SHC3: variants seen among roughly 807,000 people sequenced by gnomAD.
SHC3 encodes the protein SHC-transforming protein 3.
A neutral mutation model predicts 60.4 loss-of-function variants in SHC3; 15 were observed. The observed-to-expected ratio is 0.25, with a 90% CI of 0.17 to 0.38. The LOEUF is 0.38. Among genes scored for constraint, SHC3 ranks in the 10% least tolerant of loss-of-function variants. The probability of loss-of-function intolerance (pLI) is 1.00; values close to 1 mark genes in which losing one functional copy is unlikely to be tolerated. For missense variants in SHC3, 677 were observed against 786.1 expected (o/e 0.86, Z 1.66); for synonymous variants, 294 against 325.9 (o/e 0.90, Z 1.05).
At chr9:89,160,148 G>A (rs1826683133) in intron 1 of SHC3, among the ~76,000 whole-genome samples, 1 of 152,208 alleles carries the variant, frequency 6.6e-6, no homozygotes, top group Non-Finnish European at 1.5e-5. Context: ...ACAAATGACA[G>A]CTGATATGTA....
At chr9:89,105,115 G>A (rs1273514006) in intron 2 of SHC3, among the ~76,000 whole-genome samples, 1 of 152,092 alleles carries the variant, frequency 6.6e-6, no homozygotes, top group Non-Finnish European at 1.5e-5. Flanking sequence ...TTTGTACCCT[G>A]CTCAAGACCA....
Position 89,038,160 on chromosome 9 carries a change from C to T in SHC3, c.1489G>A (p.Glu497Lys), listed in dbSNP as rs149700558. 4,953 of 1,614,028 alleles carry T rather than the reference C, an allele frequency of 3.1e-3. 16 individuals carry two copies. The highest frequency in any genetic ancestry group is 5.9e-3 in the South Asian group (534 of 91,068). ...CTCATCTCTCCTTGGTACCAAGTCT[C>T]GGCTTGCAGTTCCTCCAGCATCTTG... ...DAKMLEELQA[E>K]TWYQGEMSRK... Residue 497 changes from glutamate (E) to lysine (K), a missense_variant, in exon 11 of 12, where the codon GAG (glutamate) becomes AAG (lysine). By Grantham distance (56) the Glu-to-Lys change is moderately conservative. Coordinates refer to ENST00000375835, the MANE Select transcript of SHC3 (RefSeq NM_016848.6).
At chr9:89,110,566 C>T (rs1392282040) in intron 2 of SHC3, 9 of 673,874 alleles carry the variant, frequency 1.3e-5, no homozygotes, top group Non-Finnish European at 1.6e-5. Flanking sequence ...CAAAGTGCTT[C>T]ATTCTGAAGT....
At chr9:89,043,934 G>A (rs557132677) in intron 9 of SHC3, among the ~76,000 whole-genome samples, 61 of 152,256 alleles carry the variant, frequency 4.0e-4, no homozygotes, top group African/African-American at 1.2e-3. Flanking sequence ...AATTACAGGC[G>A]TGAGCCACCA....
rs903650529 is a variant in SHC3 at position 89,071,776 on chromosome 9, C to T, written c.730-524G>A. 4.6e-5 allele frequency among the ~76,000 whole-genome samples: 7 copies of T among 152,208 alleles called. No individual in the cohort carries two copies. In the East Asian group the frequency reaches 1.3e-3, roughly 29 times the overall value. On this transcript the variant is annotated intron_variant, in intron 4 of 11. Coordinates refer to ENST00000375835, the MANE Select transcript of SHC3 (RefSeq NM_016848.6). The stretch of plus-strand genomic sequence containing the variant: ...TTTACTATCAGTCCTCACCAGAGGA[C>T]TCTGGTCATAAAAAGGAGGACTTCA...
chr9:89,114,039 G>A (rs982852160), intron 1 of SHC3, among the ~76,000 whole-genome samples: 4 of 152,116 alleles, frequency 2.6e-5, no homozygotes, highest in Non-Finnish European at 4.4e-5. Context: ...GCAGAGTTAC[G>A]TGAAAACCAC....
At chr9:89,089,908 G>A (rs754422296) in intron 2 of SHC3, among the ~76,000 whole-genome samples, 11 of 152,190 alleles carry the variant, frequency 7.2e-5, no homozygotes, top group South Asian at 2.1e-4. Flanking sequence ...GGCAGAGTGC[G>A]TCACCCAGAG....
intron 4 of SHC3, 24 bp downstream of exon 4, chr9:89,075,085 C>G: frequency 6.2e-7 from 1 of 1,611,442 alleles, no homozygotes; most frequent in Non-Finnish European, 8.5e-7. Context: ...TGGGCAGGGA[C>G]AGGGGATCTG....
chr9:89,087,311 C>G (rs1825546337), intron 2 of SHC3, among the ~76,000 whole-genome samples: 1 of 152,228 alleles, frequency 6.6e-6, no homozygotes, highest in Admixed American at 6.5e-5. Flanking sequence ...CTTGCCATAG[C>G]ATAATTTCTC....
intron 1 of SHC3, among the ~76,000 whole-genome samples, chr9:89,155,675 G>C (rs1369021982): frequency 6.6e-6 from 1 of 152,200 alleles, no homozygotes; most frequent in Non-Finnish European, 1.5e-5. Context: ...TGAACATGGA[G>C]TTGGCAAATC....
intron 2 of SHC3, among the ~76,000 whole-genome samples, chr9:89,080,325 G>A (rs17054720): frequency 0.091 from 13,875 of 152,116 alleles, 716 homozygotes; most frequent in Admixed American, 0.13. Context: ...CTCAGAACTC[G>A]GCTAATTTGA....
chr9:89,089,348 G>A (rs928278512), intron 2 of SHC3, among the ~76,000 whole-genome samples: 1 of 152,184 alleles, frequency 6.6e-6, no homozygotes, highest in Non-Finnish European at 1.5e-5. Context: ...TATCTTGGAG[G>A]TGCCATGTGC....
intron 1 of SHC3, among the ~76,000 whole-genome samples, chr9:89,165,571 G>A (rs537867959): frequency 6.1e-5 from 9 of 147,694 alleles, no homozygotes; most frequent in Non-Finnish European, 3.0e-5. Flanking sequence ...AGAATAAAAG[G>A]AAGGGAAAAG....
intron 11 of SHC3, among the ~76,000 whole-genome samples, chr9:89,029,764 C>T (rs1353750582): frequency 6.6e-6 from 1 of 152,140 alleles, no homozygotes; most frequent in African/African-American, 2.4e-5. Flanking sequence ...GCTGTCTTCT[C>T]TCAAGAATAG....
At chr9:89,107,453 C>T (rs1350286600) in intron 2 of SHC3, among the ~76,000 whole-genome samples, 1 of 152,190 alleles carries the variant, frequency 6.6e-6, no homozygotes, top group Non-Finnish European at 1.5e-5. Context: ...GTGTTAAAAT[C>T]AGAGTAATAG....
chr9:89,156,716 A>G (rs768020774), intron 1 of SHC3, among the ~76,000 whole-genome samples: 24 of 152,178 alleles, frequency 1.6e-4, no homozygotes, highest in Non-Finnish European at 3.4e-4. Flanking sequence ...CACAGATCTC[A>G]GGTAAGGAGA....
rs1825978538 is a variant in SHC3, at chr9:89,008,818, A to C, written c.*4629T>G. Reference sequence around the variant, plus strand: ...CGGTGGGATTCAGCTCCAGTTGTGCACATGACGGTAACTTACTTGATAATG... The same window carrying C: ...CGGTGGGATTCAGCTCCAGTTGTGCCCATGACGGTAACTTACTTGATAATG... On this transcript the variant is annotated 3_prime_UTR_variant, in exon 12 of 12. Coordinates refer to ENST00000375835, the MANE Select transcript of SHC3 (RefSeq NM_016848.6). 6.6e-6 allele frequency: 1 copy of C among 152,228 alleles called. No homozygotes were observed. The highest frequency in any genetic ancestry group is 1.9e-4 in the East Asian group (1 of 5,196). 9.4% of individuals were successfully genotyped at this position (152,228 alleles called of 1,614,324 possible). A position where few individuals can be genotyped will look rare whatever the true frequency, so the allele number is the denominator to read the frequency against.
chr9:89,131,911 C>T (rs1199131973), intron 1 of SHC3, among the ~76,000 whole-genome samples: 1 of 151,916 alleles, frequency 6.6e-6, no homozygotes, highest in East Asian at 1.9e-4. Context: ...CTGGCCAGGG[C>T]AATCAGGCAA....
At chr9:89,169,065 G>T (rs2118262783) in intron 1 of SHC3, among the ~76,000 whole-genome samples, 1 of 152,296 alleles carries the variant, frequency 6.6e-6, no homozygotes, top group South Asian at 2.1e-4. Flanking sequence ...CCAAAATTAT[G>T]CAAGCCAATT....
Sources: gnomAD v4.1 joint callset for allele counts (sites outside exome capture counted in the v4.1 genomes callset) on GRCh38, gnomAD v4.1.1 for gene constraint, MANE v1.5 for transcripts, NCBI Gene and HGNC (gene_info 2026-07-23, HGNC 2026-07-21) for gene names.